Variants in MCC observed in about 807,000 individuals in gnomAD.
MCC encodes colorectal mutant cancer protein.
MCC carries 90 observed loss-of-function variants against 116.2 expected under a neutral mutation model. That is an observed-to-expected ratio of 0.77 (90% confidence interval 0.65 to 0.92). The LOEUF is 0.92. MCC is among the 40% of genes least tolerant of loss of function. The pLI is 0.00. For missense variants in MCC, 1,516 were observed against 1,312.2 expected (o/e 1.16, Z -2.40); for synonymous variants, 578 against 510.5 (o/e 1.13, Z -1.78).
intron 6 of MCC, among the ~76,000 whole-genome samples, chr5:113,108,543 C>T (rs1216215727): frequency 1.3e-5 from 2 of 149,390 alleles, no homozygotes; most frequent in Admixed American, 6.7e-5. Flanking sequence ...ATCCCAGCTA[C>T]TCAGGAGGCT....
intron 3 of MCC, among the ~76,000 whole-genome samples, chr5:113,293,923 A>C (rs544669607): frequency 2.0e-5 from 3 of 151,964 alleles, no homozygotes; most frequent in Non-Finnish European, 2.9e-5. Context: ...CCTCACCACC[A>C]CCACCCCCAC....
At chr5:113,140,481 T>G (rs2150284082) in intron 5 of MCC, among the ~76,000 whole-genome samples, 1 of 152,304 alleles carries the variant, frequency 6.6e-6, no homozygotes, top group South Asian at 2.1e-4. Context: ...TGAATTCAAC[T>G]CACATTAGCA....
intron 1 of MCC, among the ~76,000 whole-genome samples, chr5:113,464,316 C>G: frequency 6.6e-6 from 1 of 152,190 alleles, no homozygotes; most frequent in Non-Finnish European, 1.5e-5. Context: ...TTCTCTTCTA[C>G]TACTCTTCTT....
At chr5:113,046,912 G>A (rs1260146912) in intron 16 of MCC, among the ~76,000 whole-genome samples, 1 of 151,974 alleles carries the variant, frequency 6.6e-6, no homozygotes, top group Non-Finnish European at 1.5e-5. Context: ...ATCATCTCTT[G>A]CTGAGGACCC....
chr5:113,484,120 G>A (rs559902517), intron 1 of MCC, among the ~76,000 whole-genome samples: 75 of 152,004 alleles, frequency 4.9e-4, no homozygotes, highest in African/African-American at 1.6e-3. Flanking sequence ...ATAACTAGTC[G>A]GCACTAGGCT....
chr5:113,393,026 C>T (rs1480961700), intron 1 of MCC, among the ~76,000 whole-genome samples: 1 of 151,702 alleles, frequency 6.6e-6, no homozygotes, highest in East Asian at 1.9e-4. Flanking sequence ...CAGTATTAAT[C>T]AAAGGTTTAA....
chr5:113,223,726 T>G (rs1333123341), intron 3 of MCC, among the ~76,000 whole-genome samples: 1 of 152,194 alleles, frequency 6.6e-6, no homozygotes, highest in Non-Finnish European at 1.5e-5. Context: ...CAGAAACTGG[T>G]AAACTGGTCA....
intron 2 of MCC, among the ~76,000 whole-genome samples, chr5:113,343,223 C>G (rs1046182859): frequency 6.6e-6 from 1 of 152,184 alleles, no homozygotes; most frequent in Non-Finnish European, 1.5e-5. Context: ...TGTTCTGGCT[C>G]TACTGATCCT....
At chr5:113,104,680 T>C in intron 6 of MCC, 1 of 207,124 alleles carries the variant, frequency 4.8e-6, no homozygotes, top group Non-Finnish European at 9.7e-6. Context: ...GGTCAACCTG[T>C]CTGCTGTCAT....
chr5:113,054,799 G>A (rs554369317), intron 14 of MCC, among the ~76,000 whole-genome samples: 1 of 152,176 alleles, frequency 6.6e-6, no homozygotes, highest in East Asian at 1.9e-4. Flanking sequence ...CAGGCCTGTG[G>A]CAGCCCAGGA....
At chr5:113,077,816 C>G (rs6866030) in intron 11 of MCC, among the ~76,000 whole-genome samples, 9,147 of 152,088 alleles carry the variant, frequency 0.06, 432 homozygotes, top group African/African-American at 0.12. Flanking sequence ...CAGAGCAGAA[C>G]TGAAGGAAAG....
chr5:113,360,146 G>C (rs929278836), intron 2 of MCC, among the ~76,000 whole-genome samples: 2 of 151,792 alleles, frequency 1.3e-5, no homozygotes, highest in South Asian at 4.2e-4. Context: ...CTGAAAATCA[G>C]CCTAATCAAA....
chr5:113,419,859 C>T (rs1296956278), intron 1 of MCC, among the ~76,000 whole-genome samples: 57 of 108,382 alleles, frequency 5.3e-4, no homozygotes, highest in African/African-American at 1.8e-3. Flanking sequence ...CATCACACAC[C>T]GGGGACTGTT....
chr5:113,184,110 C>T (rs1013380745), intron 3 of MCC, among the ~76,000 whole-genome samples: 2 of 152,186 alleles, frequency 1.3e-5, no homozygotes, highest in Non-Finnish European at 2.9e-5. Context: ...ACTGTAATCT[C>T]TTAACATTAG....
At chr5:113,372,015 C>T (rs1449694834) in intron 2 of MCC, among the ~76,000 whole-genome samples, 1 of 152,148 alleles carries the variant, frequency 6.6e-6, no homozygotes, top group Non-Finnish European at 1.5e-5. Flanking sequence ...ATTGGAATGG[C>T]TTCAACATCC....
intron 3 of MCC, among the ~76,000 whole-genome samples, chr5:113,322,660 C>G (rs892506851): frequency 2.9e-4 from 44 of 152,282 alleles, no homozygotes; most frequent in African/African-American, 1.0e-3. Context: ...AATCAGCTAT[C>G]AAAAGATAAG....
At chr5:113,433,712 C>A in intron 1 of MCC, 1 of 1,597,538 alleles carries the variant, frequency 6.3e-7, no homozygotes, top group Non-Finnish European at 8.5e-7. Context: ...TGAGCTCCAT[C>A]TCATTCCCTG....
chr5:113,156,754 G>C (rs1304324442), intron 3 of MCC, among the ~76,000 whole-genome samples: 1 of 152,178 alleles, frequency 6.6e-6, no homozygotes, highest in Admixed American at 6.5e-5. Context: ...TAATTCCCTA[G>C]GCTGTTTTGA....
intron 1 of MCC, among the ~76,000 whole-genome samples, chr5:113,459,415 G>A (rs1193552371): frequency 6.6e-6 from 1 of 151,844 alleles, no homozygotes; most frequent in Middle Eastern, 3.2e-3. Flanking sequence ...GTGGGTGCCT[G>A]TAGTCCCAGC....
Sources: gnomAD v4.1 joint callset for allele counts (sites outside exome capture counted in the v4.1 genomes callset) on GRCh38, gnomAD v4.1.1 for gene constraint, MANE v1.5 for transcripts, NCBI Gene and HGNC (gene_info 2026-07-23, HGNC 2026-07-21) for gene names.